ARID5B: variants seen among roughly 807,000 people sequenced by gnomAD.
ARID5B encodes AT-rich interactive domain-containing protein 5B.
A neutral mutation model predicts 97.2 loss-of-function variants in ARID5B; 13 were observed. The ratio of observed to expected loss-of-function variants is 0.13; its 90% CI spans 0.09 to 0.21. ARID5B has a LOEUF of 0.21. ARID5B is among the 10% of genes least tolerant of loss of function. ARID5B has a pLI of 1.00. For missense variants in ARID5B, 1,210 were observed against 1,465.3 expected (o/e 0.83, Z 2.84); for synonymous variants, 556 against 570.3 (o/e 0.97, Z 0.36).
intron 3 of ARID5B, among the ~76,000 whole-genome samples, chr10:61,989,776 G>A (rs1589248502): frequency 6.6e-6 from 1 of 152,184 alleles, no homozygotes. Context: ...ACAGGCCAAA[G>A]TACTCTATTT....
At chr10:61,982,500 T>TA (rs375295059) in intron 3 of ARID5B, among the ~76,000 whole-genome samples, 3,004 of 152,088 alleles carry the variant, frequency 0.02, 103 homozygotes, top group African/African-American at 0.067. Flanking sequence ...TATTCTGAGT[T>TA]AAAAAAAATG....
intron 3 of ARID5B, among the ~76,000 whole-genome samples, chr10:61,963,980 G>A (rs1838509675): frequency 6.6e-6 from 1 of 152,036 alleles, no homozygotes; most frequent in Admixed American, 6.6e-5. Flanking sequence ...TTTTATTTTT[G>A]CAGGTTTCTG....
At position 62,092,197 on chromosome 10, in the gene ARID5B, A is replaced by G; in HGVS notation, c.2734A>G (p.Lys912Glu). 6.2e-7 allele frequency: 1 copy of G among 1,610,644 alleles called. No homozygotes were observed. Among genetic ancestry groups the G allele is most frequent in the Non-Finnish European group, 8.5e-7 (1 of 1,178,712 alleles). Residue 912 changes from lysine (K) to glutamate (E), a missense_variant, in exon 10 of 10, where the codon AAG becomes GAG. Around this residue, in one of 8 missense-constraint regions of ARID5B, gnomAD observed 800 missense variants for 839.1 expected, o/e 0.95. Transcript: ENST00000279873. ...DDQPTDLSLP[K>E]NPHKPTGKVL... ...TCAGCCTACAGATCTGAGCCTTCCC[A>G]AGAACCCGCACAAACCTACCGGCAA... is the stretch of plus-strand genomic sequence containing the variant.
At chr10:62,055,997 G>A (rs1203537942) in intron 5 of ARID5B, among the ~76,000 whole-genome samples, 5 of 152,152 alleles carry the variant, frequency 3.3e-5, no homozygotes, top group South Asian at 4.1e-4. Flanking sequence ...TGTCAGTTAC[G>A]GAGATGTAAA....
At chr10:61,982,582 A>T (rs1366564684) in intron 3 of ARID5B, among the ~76,000 whole-genome samples, 1 of 152,252 alleles carries the variant, frequency 6.6e-6, no homozygotes, top group African/African-American at 2.4e-5. Flanking sequence ...CTTCATCGTT[A>T]TCCATGAGGG....
At chr10:62,051,896 G>A (rs1009350166) in intron 5 of ARID5B, among the ~76,000 whole-genome samples, 1 of 151,962 alleles carries the variant, frequency 6.6e-6, no homozygotes, top group Non-Finnish European at 1.5e-5. Flanking sequence ...ATTTTGATTA[G>A]TGGTGAATTT....
At chr10:61,962,611 A>G (rs1838487054) in intron 3 of ARID5B, among the ~76,000 whole-genome samples, 1 of 152,256 alleles carries the variant, frequency 6.6e-6, no homozygotes, top group Admixed American at 6.5e-5. Context: ...CTGTGAAAGA[A>G]AAAGATAATT....
At chr10:61,944,151 C>T (rs1844462238) in intron 3 of ARID5B, among the ~76,000 whole-genome samples, 1 of 151,960 alleles carries the variant, frequency 6.6e-6, no homozygotes, top group East Asian at 1.9e-4. Context: ...AGATATTTTA[C>T]CTTCTTTCAG....
At chr10:62,063,229 G>A (rs1839944156) in intron 7 of ARID5B, among the ~76,000 whole-genome samples, 1 of 152,092 alleles carries the variant, frequency 6.6e-6, no homozygotes, top group Non-Finnish European at 1.5e-5. Context: ...TGACTCTTGA[G>A]AACAAAATGT....
Position 62,087,030 on chromosome 10 carries a change from G to A in ARID5B, c.1398+1130G>A, listed in dbSNP as rs910140634. 3.9e-5 allele frequency among the ~76,000 whole-genome samples: 6 copies of A among 152,034 alleles called. No homozygotes were observed. In the East Asian group the frequency reaches 1.2e-3, roughly 30 times the overall value. On this transcript the variant is annotated intron_variant, in intron 9 of 9. Transcript: ENST00000279873. ...AAAATCTTAAGTGTGGCCGGGCGCG[G>A]TGGCTCACGCCTGTAATCCCAGCAT...
chr10:62,061,593 G>A (rs1839921794), intron 7 of ARID5B, among the ~76,000 whole-genome samples: 1 of 152,166 alleles, frequency 6.6e-6, no homozygotes, highest in Non-Finnish European at 1.5e-5. Context: ...GCCCTCCCAT[G>A]CCATGCCCCA....
At chr10:61,902,951 A>T (rs1434592502) in intron 2 of ARID5B, among the ~76,000 whole-genome samples, 1 of 152,166 alleles carries the variant, frequency 6.6e-6, no homozygotes, top group Non-Finnish European at 1.5e-5. Context: ...CGTGTTGAAT[A>T]AAGTGATAAA....
intron 2 of ARID5B, among the ~76,000 whole-genome samples, chr10:61,925,204 GA>G (rs925187858): frequency 1.1e-4 from 16 of 149,762 alleles, no homozygotes; most frequent in African/African-American, 2.2e-4. Flanking sequence ...CTGTCTCCAA[GA>G]AAAAAAAAAT....
At chr10:62,007,195 A>T (rs1839157432) in intron 4 of ARID5B, among the ~76,000 whole-genome samples, 1 of 152,218 alleles carries the variant, frequency 6.6e-6, no homozygotes, top group South Asian at 2.1e-4. Flanking sequence ...TGACTTAAGC[A>T]GCCTCCTTGA....
intron 7 of ARID5B, among the ~76,000 whole-genome samples, chr10:62,065,240 G>T (rs1283362827): frequency 6.6e-6 from 1 of 152,168 alleles, no homozygotes; most frequent in Non-Finnish European, 1.5e-5. Flanking sequence ...ACCTAGATTG[G>T]TTTGTTTTAC....
intron 3 of ARID5B, among the ~76,000 whole-genome samples, chr10:61,979,889 C>G (rs1340497111): frequency 6.6e-6 from 1 of 152,042 alleles, no homozygotes; most frequent in Admixed American, 6.6e-5. Flanking sequence ...GTCAGGAGTT[C>G]GAGATCAGCC....
intron 3 of ARID5B, among the ~76,000 whole-genome samples, chr10:61,970,080 T>C (rs1350814972): frequency 6.6e-6 from 1 of 152,240 alleles, no homozygotes; most frequent in Non-Finnish European, 1.5e-5. Context: ...ATTTAATCAA[T>C]ATATTCTGCC....
intron 3 of ARID5B, among the ~76,000 whole-genome samples, chr10:61,986,138 T>C (rs1343354878): frequency 6.6e-6 from 1 of 152,028 alleles, no homozygotes; most frequent in Admixed American, 6.6e-5. Flanking sequence ...AGAAGGCAGC[T>C]GGGGTGTGTT....
At chr10:61,907,090 T>C (rs895704586) in intron 2 of ARID5B, among the ~76,000 whole-genome samples, 1 of 152,252 alleles carries the variant, frequency 6.6e-6, no homozygotes, top group Admixed American at 6.5e-5. Flanking sequence ...TAGGTGAGTT[T>C]GCTAGGACAT....
Sources: allele counts gnomAD v4.1 joint callset (sites outside exome capture counted in the v4.1 genomes callset), GRCh38; gene constraint gnomAD v4.1.1; regional missense constraint gnomAD v4.1.1; transcripts MANE v1.5; gene names NCBI Gene and HGNC (gene_info 2026-07-23, HGNC 2026-07-21).